The following LHFPL3 variants were observed in gnomAD, a reference collection of about 807,000 sequenced individuals.
LHFPL3 encodes LHFPL tetraspan subfamily member 3.
A neutral mutation model predicts 19.3 loss-of-function variants in LHFPL3; 5 were observed. The observed-to-expected ratio is 0.26, with a 90% CI of 0.14 to 0.54. LHFPL3 has a LOEUF of 0.54. Ranked by LOEUF, LHFPL3 falls within the 20% of genes least tolerant of loss-of-function variation. The pLI is 0.94. For synonymous variants in LHFPL3, 133 were observed against 126.2 expected (o/e 1.05, Z -0.36); for missense variants, 249 against 307.4 (o/e 0.81, Z 1.42).
At chr7:104,668,954 C>T in intron 1 of LHFPL3, 2 of 1,612,416 alleles carry the variant, frequency 1.2e-6, no homozygotes, top group Non-Finnish European at 1.7e-6. Context: ...GAGAGACACC[C>T]AAGCTGGCAA....
chr7:104,905,727 T>C (rs571128641), intron 2 of LHFPL3, among the ~76,000 whole-genome samples: 3 of 152,226 alleles, frequency 2.0e-5, no homozygotes, highest in Non-Finnish European at 2.9e-5. Flanking sequence ...GAAAGAAATA[T>C]AGGAAGAAAA....
At chr7:104,556,297 C>T (rs1261603153) in intron 1 of LHFPL3, among the ~76,000 whole-genome samples, 1 of 151,902 alleles carries the variant, frequency 6.6e-6, no homozygotes, top group African/African-American at 2.4e-5. Context: ...CCATGAGGGT[C>T]CCCCCCCTGC....
chr7:104,841,491 GGGGTGTGTGTGTGTGTGTGTGT>G (rs1223490864), intron 2 of LHFPL3, among the ~76,000 whole-genome samples: 12 of 141,926 alleles, frequency 8.5e-5, no homozygotes, highest in African/African-American at 3.2e-4. Context: ...TGCATTATGT[GGGGTGTGTGTGTGTGTGTGTGT>G]GTGTGTGTGT....
chr7:104,794,698 A>G (rs1440532728), intron 2 of LHFPL3, among the ~76,000 whole-genome samples: 1 of 152,238 alleles, frequency 6.6e-6, no homozygotes, highest in East Asian at 1.9e-4. Context: ...CTTGTTTAAT[A>G]TAAAGTGAAT....
At chr7:104,865,341 G>A (rs1197420741) in intron 2 of LHFPL3, among the ~76,000 whole-genome samples, 10 of 152,040 alleles carry the variant, frequency 6.6e-5, no homozygotes, top group African/African-American at 9.7e-5. Context: ...AAAATTAGAC[G>A]AATGGCTAAC....
chr7:104,832,716 C>T (rs899336770), intron 2 of LHFPL3, among the ~76,000 whole-genome samples: 9 of 148,350 alleles, frequency 6.1e-5, no homozygotes, highest in Non-Finnish European at 1.3e-4. Flanking sequence ...GTGGCTCACT[C>T]CTGTAATCCC....
chr7:104,343,384 A>G (rs556790566), intron 1 of LHFPL3, among the ~76,000 whole-genome samples: 1 of 151,682 alleles, frequency 6.6e-6, no homozygotes, highest in South Asian at 2.1e-4. Flanking sequence ...ATGGTGGTGC[A>G]TGCCTGTAGT....
chr7:104,689,990 T>C (rs1792878865), intron 1 of LHFPL3, among the ~76,000 whole-genome samples: 1 of 150,786 alleles, frequency 6.6e-6, no homozygotes, highest in Non-Finnish European at 1.5e-5. Flanking sequence ...ATGGATGCCA[T>C]TAGAGCTGCC....
At position 104,614,680 on chromosome 7, in the gene LHFPL3, CTTCTTTCTTTCTTTCTTTCT is replaced by C. The variant is rs60085377; in HGVS notation, c.446-121954_446-121935del. On this transcript the variant is annotated intron_variant, in intron 1 of 2. Transcript: ENST00000424859. The stretch of plus-strand genomic sequence containing the variant: ...CCTTCCTTCCTTCCTTCCTTCCTTC[CTTCTTTCTTTCTTTCTTTCT>C]TTCTTTCTTTCTTTCTTTCTTTCTT... Among the ~76,000 whole-genome samples, 126 of 94,472 alleles carry C rather than the reference CTTCTTTCTTTCTTTCTTTCT, an allele frequency of 1.3e-3. 2 individuals are homozygous for C. Among genetic ancestry groups the C allele is most frequent in the African/African-American group, 4.8e-3 (112 of 23,300 alleles). 62.0% of individuals were successfully genotyped at this position (94,472 alleles called of 152,430 possible).
intron 1 of LHFPL3, among the ~76,000 whole-genome samples, chr7:104,384,587 G>GACCAGCCTGATCAACATGGAGAA (rs1327741186): frequency 6.6e-6 from 1 of 151,800 alleles, no homozygotes; most frequent in Non-Finnish European, 1.5e-5. Context: ...GGGAGTTTGA[G>GACCAGCCTGATCAACATGGAGAA]ACCAGCCTGA....
chr7:104,860,599 G>A (rs1791600001), intron 2 of LHFPL3, among the ~76,000 whole-genome samples: 1 of 152,078 alleles, frequency 6.6e-6, no homozygotes, highest in African/African-American at 2.4e-5. Flanking sequence ...AAAGCATCAG[G>A]GTGTTTCAAC....
chr7:104,411,742 G>A (rs1791539045), intron 1 of LHFPL3, among the ~76,000 whole-genome samples: 1 of 152,146 alleles, frequency 6.6e-6, no homozygotes, highest in Admixed American at 6.5e-5. Context: ...TCAAAGAAGG[G>A]TAGTATTGAA....
At chr7:104,512,822 G>T (rs938829715) in intron 1 of LHFPL3, among the ~76,000 whole-genome samples, 4 of 152,130 alleles carry the variant, frequency 2.6e-5, no homozygotes, top group Non-Finnish European at 5.9e-5. Flanking sequence ...ATCACAGAAG[G>T]CTTACCAGTG....
At chr7:104,445,354 T>G (rs1792311009) in intron 1 of LHFPL3, among the ~76,000 whole-genome samples, 1 of 152,232 alleles carries the variant, frequency 6.6e-6, no homozygotes, top group Non-Finnish European at 1.5e-5. Context: ...CTTCCCTTCT[T>G]ACTACTTGTA....
chr7:104,389,108 A>G (rs958541653), intron 1 of LHFPL3, among the ~76,000 whole-genome samples: 1 of 152,178 alleles, frequency 6.6e-6, no homozygotes, highest in African/African-American at 2.4e-5. Context: ...ATGTCCTTCC[A>G]TATAGAAAAC....
At chr7:104,568,346 A>T (rs1052234157) in intron 1 of LHFPL3, among the ~76,000 whole-genome samples, 12 of 152,126 alleles carry the variant, frequency 7.9e-5, no homozygotes, top group Admixed American at 6.5e-4. Context: ...TTCCTCACCA[A>T]ATTATAGCCC....
At chr7:104,698,623 C>T (rs1212639949) in intron 1 of LHFPL3, among the ~76,000 whole-genome samples, 2 of 152,198 alleles carry the variant, frequency 1.3e-5, no homozygotes, top group African/African-American at 2.4e-5. Context: ...TGGATGTTTA[C>T]AGCAGTTGTA....
Position 104,347,765 on chromosome 7 carries a change from C to T in LHFPL3, c.445+18541C>T, listed in dbSNP as rs1258307343. Among the ~76,000 whole-genome samples, 10 of 151,756 alleles carry T rather than the reference C, an allele frequency of 6.6e-5. 1 individual carries two copies. The highest frequency in any genetic ancestry group is 3.3e-4 in the Admixed American group (5 of 15,232). Reference sequence around the variant, plus strand: ...AAATTAGTCGGGCGTGGTGGCACGCCCCTGTAATCCCAGTTACTGGGGAGG... The same window carrying T: ...AAATTAGTCGGGCGTGGTGGCACGCTCCTGTAATCCCAGTTACTGGGGAGG... On this transcript the variant is annotated intron_variant, in intron 1 of 2. Transcript: ENST00000424859.
intron 1 of LHFPL3, among the ~76,000 whole-genome samples, chr7:104,392,083 G>C (rs1791083605): frequency 6.6e-6 from 1 of 152,130 alleles, no homozygotes; most frequent in Admixed American, 6.6e-5. Context: ...AGGAGATTTT[G>C]GGCTGAGATG....
Sources: gnomAD v4.1 joint callset for allele counts (sites outside exome capture counted in the v4.1 genomes callset) on GRCh38, gnomAD v4.1.1 for gene constraint, MANE v1.5 for transcripts, NCBI Gene and HGNC (gene_info 2026-07-23, HGNC 2026-07-21) for gene names.